Variants in FAM78A observed in about 807,000 individuals in gnomAD.
FAM78A encodes protein FAM78A.
FAM78A carries 12 observed loss-of-function variants against 22.6 expected under a neutral mutation model. That is an observed-to-expected ratio of 0.53 (90% CI 0.34 to 0.86). The LOEUF is 0.86. FAM78A is among the 40% of genes least tolerant of loss of function. FAM78A has a pLI of 0.02. For missense variants in FAM78A, 322 were observed against 396.1 expected, an observed-to-expected ratio of 0.81 and a Z score of 1.59; for synonymous variants, 151 against 155.8, an observed-to-expected ratio of 0.97 and a Z score of 0.23.
Position 131,275,969 on chromosome 9 carries a change from C to A in FAM78A, c.211G>T (p.Ala71Ser). Reference protein sequence around the residue: ...VLRYRTPHFRASAQVVMPPIP... With the variant: ...VLRYRTPHFRSSAQVVMPPIP... ...GGCGGCATGACCACCTGGGCCGAGG[C>A]CCGGAAGTGGGGTGTCCGGTAGCGG... is the stretch of plus-strand genomic sequence containing the variant. Residue 71 changes from alanine (A) to serine (S), a missense_variant, in exon 1 of 2, where the codon GCC (alanine) becomes TCC (serine). Ala to Ser is a moderately conservative substitution (Grantham distance 99). Coordinates refer to ENST00000372271, the MANE Select transcript of FAM78A (RefSeq NM_033387.4). The surrounding 1 kb of genome is among the most constrained non-coding windows in gnomAD (Gnocchi z 4.6). 1.2e-6 allele frequency: 2 copies of A among 1,613,570 alleles called. No individual in the cohort carries two copies. Among genetic ancestry groups the A allele is most frequent in the Non-Finnish European group, 1.7e-6 (2 of 1,180,032 alleles).
chr9:131,268,362 G>A (rs1835371589), intron 1 of FAM78A, among the ~76,000 whole-genome samples: 1 of 151,592 alleles, frequency 6.6e-6, no homozygotes, highest in African/African-American at 2.4e-5. Context: ...CCACCACCGG[G>A]TCACCAGGCC....
chr9:131,262,519 C>G (rs1455600159), intron 1 of FAM78A, among the ~76,000 whole-genome samples: 1 of 150,232 alleles, frequency 6.7e-6, no homozygotes, highest in Non-Finnish European at 1.5e-5. Context: ...CAGTGGCTCA[C>G]ACCTCTAATC....
Position 131,275,904 on chromosome 9 carries a change from C to T in FAM78A, c.276G>A (p.Gln92=), listed in dbSNP as rs774060213. The change falls in exon 1 of 2, where the codon CAG becomes CAA. Residue 92 remains glutamine, a synonymous_variant. Transcript: ENST00000372271. This position sits in a 1 kb window ranked among gnomAD's most constrained non-coding sequence, Gnocchi z 4.6. The stretch of plus-strand genomic sequence containing the variant: ...TGTAGAACTCCATGTGGCTGCACGC[C>T]TGGATCCAGCCAACTACCCAAGTCT... ...KKETWVVGWI[Q]ACSHMEFYNQ... is the part of the protein sequence containing the mutation. 1 of 1,611,894 alleles carries T rather than the reference C, an allele frequency of 6.2e-7. No homozygotes were observed. The highest frequency in any genetic ancestry group is 1.7e-5 in the Admixed American group (1 of 59,984).
At position 131,260,755 on chromosome 9, in the gene FAM78A, T is replaced by C. The variant is rs1012530310; in HGVS notation, c.*67A>G. 1.4e-6 allele frequency: 2 copies of C among 1,470,242 alleles called. No individual in the cohort carries two copies. The highest frequency in any genetic ancestry group is 1.8e-6 in the Non-Finnish European group (2 of 1,109,272). 91.1% of individuals were successfully genotyped at this position (1,470,242 alleles called of 1,614,324 possible). A position where few individuals can be genotyped will look rare whatever the true frequency, so the allele number is the denominator to read the frequency against. On this transcript the variant is annotated 3_prime_UTR_variant, in exon 2 of 2. Transcript: ENST00000372271. The surrounding 1 kb of genome is among the most constrained non-coding windows in gnomAD (Gnocchi z 5.4). ...TGTATCTTGCTGAATGACTGAAGAG[T>C]GAGTCTGAGTTTTGTTTTCAGCGGT...
rs1224394271 is a variant in FAM78A at position 131,259,932 on chromosome 9, G to A, written c.*890C>T. The A allele has an allele frequency of 1.3e-5, 2 of 152,744 alleles. No individual in the cohort carries two copies. The highest frequency in any genetic ancestry group is 4.8e-5 in the African/African-American group (2 of 41,458). The allele number at this position is 152,744 out of a possible 1,614,324, so 9.5% of individuals were successfully genotyped here. A position where few individuals can be genotyped will look rare whatever the true frequency, so the allele number is the denominator to read the frequency against. Reference sequence around the variant, plus strand: ...ACAGGAGCCTGCCTCTCTCCTCCTAGAGCCGCCCAAGGGAAGTTAAGGCTG... The same window carrying A: ...ACAGGAGCCTGCCTCTCTCCTCCTAAAGCCGCCCAAGGGAAGTTAAGGCTG... On this transcript the variant is annotated 3_prime_UTR_variant, in exon 2 of 2. Transcript: ENST00000372271.
Position 131,261,389 on chromosome 9 carries a change from C to T in FAM78A, c.324-39G>A. ...AGGCCAGTTCACTCACTCGGTCACT[C>T]AAGGAGGGCTTTCTGTGTCCCCCTG... On this transcript the variant is annotated intron_variant, in intron 1 of 1. Coordinates refer to ENST00000372271, the MANE Select transcript of FAM78A (RefSeq NM_033387.4). The surrounding 1 kb of genome is among the most constrained non-coding windows in gnomAD (Gnocchi z 7.1). 1 of 1,509,464 alleles carries T rather than the reference C, an allele frequency of 6.6e-7. No individual in the cohort carries two copies. Among genetic ancestry groups the T allele is most frequent in the Non-Finnish European group, 8.8e-7 (1 of 1,136,992 alleles). 93.5% of individuals were successfully genotyped at this position (1,509,464 alleles called of 1,614,324 possible).
At chr9:131,269,607 G>A (rs1463466459) in intron 1 of FAM78A, among the ~76,000 whole-genome samples, 1 of 151,994 alleles carries the variant, frequency 6.6e-6, no homozygotes, top group South Asian at 2.1e-4. Flanking sequence ...CTTCTGAGTA[G>A]CTGGGATTAA....
chr9:131,275,843 T>G lies in FAM78A; in HGVS notation c.323+14A>C. On this transcript the variant is annotated intron_variant, in intron 1 of 1. Transcript: ENST00000372271. The surrounding 1 kb of genome is among the most constrained non-coding windows in gnomAD (Gnocchi z 4.6). ...CCCTAGCAGTTCCCAGAGCTGGCTC[T>G]CGGCCGTACTCACATGCCCTGCTCG... 1 of 1,560,802 alleles carries G rather than the reference T, an allele frequency of 6.4e-7. No homozygotes were observed. The highest frequency in any genetic ancestry group is 1.2e-5 in the South Asian group (1 of 82,682).
intron 1 of FAM78A, among the ~76,000 whole-genome samples, chr9:131,270,772 T>C (rs1463211445): frequency 6.6e-6 from 1 of 152,164 alleles, no homozygotes; most frequent in African/African-American, 2.4e-5. Context: ...CATTCCTCCA[T>C]GGCCTGTCCC....
upstream of FAM78A, among the ~76,000 whole-genome samples, chr9:131,278,229 C>T (rs2131201902): frequency 6.6e-6 from 1 of 152,216 alleles, no homozygotes; most frequent in South Asian, 2.1e-4. Flanking sequence ...TTTTGGCCAG[C>T]CCCGGGAATT....
Position 131,275,372 on chromosome 9 carries a change from G to A in FAM78A, c.323+485C>T, listed in dbSNP as rs1290675454. Reference sequence around the variant, plus strand: ...CAGCTCCTGGCATACACTGGTAAAAGCCAGAAAGATAATTGAGGCCCAATC... The same window carrying A: ...CAGCTCCTGGCATACACTGGTAAAAACCAGAAAGATAATTGAGGCCCAATC... On this transcript the variant is annotated intron_variant, in intron 1 of 1. Coordinates refer to ENST00000372271, the MANE Select transcript of FAM78A (RefSeq NM_033387.4). The surrounding 1 kb of genome is among the most constrained non-coding windows in gnomAD (Gnocchi z 4.6). Among the ~76,000 whole-genome samples the A allele has an allele frequency of 6.6e-6, 1 of 152,236 alleles. No individual in the cohort carries two copies. Among genetic ancestry groups the A allele is most frequent in the East Asian group, 1.9e-4 (1 of 5,198 alleles).
In FAM78A at chr9:131,259,261, C is replaced by G. The variant is rs1033573643; in HGVS notation, c.*1561G>C. On this transcript the variant is annotated 3_prime_UTR_variant, in exon 2 of 2. Coordinates refer to ENST00000372271, the MANE Select transcript of FAM78A (RefSeq NM_033387.4). ...CCTGCAAGTGGCCACAAGGCCGACA[C>G]TGCTCAGAACCCTGGCACAATGGGT... The G allele has an allele frequency of 6.6e-6, 1 of 152,594 alleles. No individual in the cohort carries two copies. Among genetic ancestry groups the G allele is most frequent in the Non-Finnish European group, 1.5e-5 (1 of 68,066 alleles). The allele number at this position is 152,594 out of a possible 1,614,324, so 9.5% of individuals were successfully genotyped here. A position where few individuals can be genotyped will look rare whatever the true frequency, so the allele number is the denominator to read the frequency against.
At chr9:131,278,856 AC>A (rs1835516093), upstream of FAM78A, among the ~76,000 whole-genome samples, 1 of 152,250 alleles carries the variant, frequency 6.6e-6, no homozygotes, top group African/African-American at 2.4e-5. Flanking sequence ...ACAGGTGCCC[AC>A]AGCCGGCACA....
chr9:131,266,524 C>G (rs989312751), intron 1 of FAM78A, among the ~76,000 whole-genome samples: 10 of 152,152 alleles, frequency 6.6e-5, no homozygotes, highest in African/African-American at 2.4e-4. Context: ...CCTCCTCCCC[C>G]CCACTTCCTC....
chr9:131,270,032 T>TTAAAAAAAAAAAAAAA (rs1835396769), intron 1 of FAM78A, among the ~76,000 whole-genome samples: 1 of 34,098 alleles, frequency 2.9e-5, no homozygotes, highest in African/African-American at 9.3e-5. Flanking sequence ...CCATCCCTAC[T>TTAAAAAAAAAAAAAAA]AAAATAAAAA....
At chr9:131,270,238 TTGCACA>T (rs1439852954) in intron 1 of FAM78A, 1 of 716,478 alleles carries the variant, frequency 1.4e-6, no homozygotes, top group South Asian at 1.5e-5. Context: ...GCTGAAGGGC[TTGCACA>T]TGTGGACGGT....
chr9:131,263,268 G>A (rs752108118), intron 1 of FAM78A, among the ~76,000 whole-genome samples: 2 of 148,094 alleles, frequency 1.4e-5, no homozygotes, highest in East Asian at 2.0e-4. Flanking sequence ...AAAGAAAAGA[G>A]TTCTGAAGAT....
In FAM78A at chr9:131,265,732, C is replaced by T. The variant is rs1835335675; in HGVS notation, c.324-4382G>A. ...ATGCTGAGACGGCAGAGCCTTGAAC[C>T]ACGCTCAGGGCCCTTCTGAGTGCAG... On this transcript the variant is annotated intron_variant, in intron 1 of 1. Transcript: ENST00000372271. The surrounding 1 kb of genome is among the most constrained non-coding windows in gnomAD (Gnocchi z 4.3). 6.6e-6 allele frequency among the ~76,000 whole-genome samples: 1 copy of T among 152,126 alleles called. No homozygotes were observed. Among genetic ancestry groups the T allele is most frequent in the Non-Finnish European group, 1.5e-5 (1 of 68,016 alleles).
At chr9:131,276,659 T>G (rs1234180161), upstream of FAM78A, 1 of 152,888 alleles carries the variant, frequency 6.5e-6, no homozygotes, top group East Asian at 2.0e-4. This position sits in a 1 kb window ranked among gnomAD's most constrained non-coding sequence, Gnocchi z 4.3. Context: ...CCCGGCGCGG[T>G]CGAATCAATT....
Sources: allele counts gnomAD v4.1 joint callset (sites outside exome capture counted in the v4.1 genomes callset), GRCh38; gene constraint gnomAD v4.1.1; non-coding constraint Gnocchi (gnomAD v3.1); transcripts MANE v1.5; gene names NCBI Gene and HGNC (gene_info 2026-07-23, HGNC 2026-07-21).